Variants in ADAM29 observed in about 807,000 individuals in gnomAD.
The protein encoded by ADAM29 is disintegrin and metalloproteinase domain-containing protein 29.
For synonymous variants in ADAM29, 367 were observed against 342.3 expected, an observed-to-expected ratio of 1.07 and a Z score of -0.80; for missense variants, 969 against 1,001.8, an observed-to-expected ratio of 0.97 and a Z score of 0.44.
chr4:174,919,697 T>G (rs1433364007), intron 1 of ADAM29, among the ~76,000 whole-genome samples: 1 of 152,190 alleles, frequency 6.6e-6, no homozygotes, highest in Non-Finnish European at 1.5e-5. Context: ...TCTTTTGCTT[T>G]TATGGCTTTC....
At chr4:174,952,629 G>C (rs559450410) in intron 4 of ADAM29, among the ~76,000 whole-genome samples, 3 of 152,226 alleles carry the variant, frequency 2.0e-5, no homozygotes, top group Admixed American at 6.5e-5. Flanking sequence ...AAATTTGAGA[G>C]AGAAAAAAAG....
Position 174,976,680 on chromosome 4 carries a change from G to T in ADAM29, c.1155G>T (p.Leu385Phe), listed in dbSNP as rs764534175. 6.2e-7 allele frequency: 1 copy of T among 1,614,038 alleles called. No homozygotes were observed. The highest frequency in any genetic ancestry group is 1.1e-5 in the South Asian group (1 of 91,054). ...ATACTGTAGAGAGGACAAAGTGTTT[G>T]CTTGAAACAGTACACACAAAGGACA... ...WEYTVERTKC[L>F]LETVHTKDIF... is the part of the protein sequence containing the mutation. The change falls in exon 5 of 5, where the codon TTG becomes TTT. Residue 385 changes from leucine to phenylalanine, a missense_variant. Physicochemically the swap from Leu to Phe is conservative, Grantham distance 22. Transcript: ENST00000359240.
Position 174,976,020 on chromosome 4 carries a change from A to G in ADAM29, c.495A>G (p.Gly165=), listed in dbSNP as rs759831892. The stretch of plus-strand genomic sequence containing the variant: ...AACAATTTTCAACCATGAGATCCGG[A>G]TTTATGCAAAATGAAATAACATGCC... ...EEKQFSTMRS[G]FMQNEITCRM... Residue 165 remains glycine, a synonymous_variant, in exon 5 of 5, where the codon GGA becomes GGG. Coordinates refer to ENST00000359240, the MANE Select transcript of ADAM29 (RefSeq NM_014269.4). 1 of 1,613,288 alleles carries G rather than the reference A, an allele frequency of 6.2e-7. No individual in the cohort carries two copies. The highest frequency in any genetic ancestry group is 8.5e-7 in the Non-Finnish European group (1 of 1,179,860).
intron 2 of ADAM29, among the ~76,000 whole-genome samples, chr4:174,929,833 T>G (rs1248088424): frequency 6.6e-6 from 1 of 151,656 alleles, no homozygotes; most frequent in Non-Finnish European, 1.5e-5. Flanking sequence ...CTCAGCTCAC[T>G]GCAATCTCTG....
At chr4:174,922,765 C>G (rs1311859544) in intron 2 of ADAM29, among the ~76,000 whole-genome samples, 1 of 151,770 alleles carries the variant, frequency 6.6e-6, no homozygotes, top group Admixed American at 6.6e-5. Context: ...TTTATCCCCC[C>G]ACTATCACAT....
Position 174,940,189 on chromosome 4 carries a change from C to T in ADAM29, c.-181+3176C>T, listed in dbSNP as rs548136749. Among the ~76,000 whole-genome samples, 15 of 152,208 alleles carry T rather than the reference C, an allele frequency of 9.9e-5. No homozygotes were observed. In the East Asian group the frequency reaches 2.9e-3, roughly 29 times the overall value. ...GAAGTGAAGTAAGTGCATGATCACA[C>T]CTCATGGTGGCAAAACAAGATACTA... On this transcript the variant is annotated intron_variant, in intron 4 of 4. Coordinates refer to ENST00000359240, the MANE Select transcript of ADAM29 (RefSeq NM_014269.4).
At chr4:174,934,115 C>G (rs183990526) in intron 3 of ADAM29, among the ~76,000 whole-genome samples, 2 of 152,276 alleles carry the variant, frequency 1.3e-5, no homozygotes, top group Admixed American at 6.5e-5. Context: ...TTCTCTGCAA[C>G]ATCACCAGCA....
At chr4:174,946,329 AT>A (rs1744849407) in intron 4 of ADAM29, among the ~76,000 whole-genome samples, 1 of 152,052 alleles carries the variant, frequency 6.6e-6, no homozygotes, top group South Asian at 2.1e-4. Context: ...AATGCTATAG[AT>A]TTTTGTACTC....
intron 2 of ADAM29, among the ~76,000 whole-genome samples, chr4:174,926,534 G>C (rs370763639): frequency 2.0e-5 from 3 of 151,730 alleles, no homozygotes; most frequent in Non-Finnish European, 4.4e-5. Context: ...CAAGCTGACC[G>C]GGGAGGATTG....
At chr4:174,930,074 G>T (rs909201138) in intron 2 of ADAM29, among the ~76,000 whole-genome samples, 1 of 151,980 alleles carries the variant, frequency 6.6e-6, no homozygotes, top group African/African-American at 2.4e-5. Flanking sequence ...GACTACAGGC[G>T]CCTGCCACCA....
chr4:174,963,441 T>C (rs1745970373), intron 4 of ADAM29, among the ~76,000 whole-genome samples: 1 of 152,162 alleles, frequency 6.6e-6, no homozygotes, highest in Non-Finnish European at 1.5e-5. Flanking sequence ...GTGTCCTCTG[T>C]TCAGAGATTC....
Position 174,975,747 on chromosome 4 carries a change from T to A in ADAM29, c.222T>A (p.Phe74Leu). The change falls in exon 5 of 5, where the codon TTT becomes TTA. Residue 74 changes from phenylalanine to leucine, a missense_variant. Phe to Leu is a conservative substitution (Grantham distance 22, BLOSUM62 0). Transcript: ENST00000359240. Reference sequence around the variant, plus strand: ...ACATAAAGGTCAAGAAGCTTTTGTTTTCCAAACACCTCCCTGTGTTCACCT... The same window carrying A: ...ACATAAAGGTCAAGAAGCTTTTGTTATCCAAACACCTCCCTGTGTTCACCT... ...IIHIKVKKLL[F>L]SKHLPVFTYT... 6.2e-7 allele frequency: 1 copy of A among 1,613,212 alleles called. No homozygotes were observed. The highest frequency in any genetic ancestry group is 1.1e-5 in the South Asian group (1 of 90,940).
chr4:174,931,857 G>A (rs530334945), intron 3 of ADAM29, among the ~76,000 whole-genome samples: 2 of 152,092 alleles, frequency 1.3e-5, no homozygotes, highest in Non-Finnish European at 1.5e-5. Context: ...CACACAGTGA[G>A]AGGGAGAGTG....
intron 3 of ADAM29, among the ~76,000 whole-genome samples, chr4:174,935,828 A>T (rs1260745694): frequency 6.6e-6 from 1 of 152,068 alleles, no homozygotes; most frequent in Admixed American, 6.6e-5. Flanking sequence ...TTGCTCCTGG[A>T]TTACATGAAT....
Position 174,976,809 on chromosome 4 carries a change from T to C in ADAM29, c.1284T>C (p.Asn428=), listed in dbSNP as rs1266016007. The C allele has an allele frequency of 3.7e-6, 6 of 1,614,084 alleles. No individual in the cohort carries two copies. The highest frequency in any genetic ancestry group is 2.7e-5 in the African/African-American group (2 of 74,934). ...HCAKDPCCLS[N]CTLTDGSTCA... is the part of the protein sequence containing the mutation. ...CAAAAGATCCCTGCTGTCTGTCAAATTGCACTCTGACTGATGGTTCTACTT... is the reference window on the plus strand; with the variant it reads ...CAAAAGATCCCTGCTGTCTGTCAAACTGCACTCTGACTGATGGTTCTACTT... The change falls in exon 5 of 5, where the codon AAT becomes AAC. Residue 428 remains asparagine (N), a synonymous_variant. Transcript: ENST00000359240.
chr4:174,976,400 T>C lies in ADAM29; in HGVS notation c.875T>C (p.Leu292Pro), dbSNP rs1174946603. The C allele has an allele frequency of 6.3e-7, 1 of 1,598,136 alleles. No individual in the cohort carries two copies. Among genetic ancestry groups the C allele is most frequent in the East Asian group, 2.2e-5 (1 of 44,840 alleles). The change falls in exon 5 of 5, where the codon CTA (leucine) becomes CCA (proline). Residue 292 changes from leucine (L) to proline (P), a missense_variant. Transcript: ENST00000359240. The part of the protein sequence containing the change: ...QHDTSHLFTT[L>P]GLRGLSGIGA... ...GACACCTCACATCTTTTCACAACTC[T>C]AGGATTAAGAGGGTTAAGTGGCATA...
intron 4 of ADAM29, among the ~76,000 whole-genome samples, chr4:174,963,765 C>A (rs1488702717): frequency 6.6e-6 from 1 of 152,152 alleles, no homozygotes; most frequent in East Asian, 1.9e-4. Context: ...TCACTGCAAC[C>A]TCTGCCTCCT....
intron 4 of ADAM29, among the ~76,000 whole-genome samples, chr4:174,959,128 AC>A (rs1674294782): frequency 6.6e-6 from 1 of 151,726 alleles, no homozygotes; most frequent in Non-Finnish European, 1.5e-5. Context: ...TTCCGGAAAA[AC>A]TTTTTTTAAC....
intron 2 of ADAM29, among the ~76,000 whole-genome samples, chr4:174,924,828 G>A (rs1425415924): frequency 1.3e-5 from 2 of 152,188 alleles, no homozygotes; most frequent in African/African-American, 4.8e-5. Flanking sequence ...CTTCTTCCAT[G>A]TGGGCTATGC....
Sources: allele counts gnomAD v4.1 joint callset (sites outside exome capture counted in the v4.1 genomes callset), GRCh38; gene constraint gnomAD v4.1.1; transcripts MANE v1.5; gene names NCBI Gene and HGNC (gene_info 2026-07-23, HGNC 2026-07-21).